Variants in ASXL1 observed in about 807,000 individuals in gnomAD.
The protein encoded by ASXL1 is ASXL transcriptional regulator 1.
Under a neutral mutation model 89.1 loss-of-function variants are expected in ASXL1, and 65 were observed. That is an observed-to-expected ratio of 0.73 (90% confidence interval 0.60 to 0.90). The LOEUF is 0.90. Among genes scored for constraint, ASXL1 ranks in the 40% least tolerant of loss-of-function variants. ASXL1 has a pLI of 0.00. For missense variants in ASXL1, 1,786 were observed against 1,942.9 expected, an observed-to-expected ratio of 0.92 and a Z score of 1.52; for synonymous variants, 739 against 746.9, an observed-to-expected ratio of 0.99 and a Z score of 0.17.
intron 8 of ASXL1, 120 bp downstream of exon 8, chr20:32,430,173 C>T: frequency 3.8e-6 from 5 of 1,316,118 alleles, no homozygotes; most frequent in Non-Finnish European, 3.0e-6. Flanking sequence ...GGGTGGCCCT[C>T]TATTTTTTGT....
In ASXL1 at chr20:32,436,128, C is replaced by A. The variant is rs371545683; in HGVS notation, c.3416C>A (p.Thr1139Lys). The change falls in exon 13 of 13, where the codon ACA becomes AAA. Residue 1139 changes from threonine (T) to lysine (K), a missense_variant. Around this residue, in one of 3 missense-constraint regions of ASXL1, gnomAD observed 1,418 missense variants for 1,427.8 expected, o/e 0.99. Coordinates refer to ENST00000375687, the MANE Select transcript of ASXL1 (RefSeq NM_015338.6). ...SMSESPQVPL[T>K]KDQSHGSLRM... Reference sequence around the variant, plus strand: ...TCAGAATCCCCACAAGTACCACTTACAAAAGACCAGAGCCATGGCTCGCTA... The same window carrying A: ...TCAGAATCCCCACAAGTACCACTTAAAAAAGACCAGAGCCATGGCTCGCTA... 27 of 1,614,082 alleles carry A rather than the reference C, an allele frequency of 1.7e-5. No individual in the cohort carries two copies. In the East Asian group the frequency reaches 2.9e-4, roughly 17 times the overall value.
rs755243804 is a variant in ASXL1 at position 32,435,071 on chromosome 20, A to G, written c.2359A>G (p.Thr787Ala). ...EQPQLHPDVRTECESGTTSWE... is the reference protein window; with the variant it reads ...EQPQLHPDVRAECESGTTSWE... ...GCCTCAGTTGCATCCGGATGTTAGA[A>G]CTGAATGTGAGTCTGGCACCACTTC... Residue 787 changes from threonine (T) to alanine (A), a missense_variant, in exon 13 of 13, where the codon ACT (threonine) becomes GCT (alanine). Coordinates refer to ENST00000375687, the MANE Select transcript of ASXL1 (RefSeq NM_015338.6). 6.2e-7 allele frequency: 1 copy of G among 1,614,054 alleles called. No individual in the cohort carries two copies. The highest frequency in any genetic ancestry group is 1.1e-5 in the South Asian group (1 of 91,070).
chr20:32,362,541 C>T (rs1167026410), intron 1 of ASXL1, among the ~76,000 whole-genome samples: 1 of 152,148 alleles, frequency 6.6e-6, no homozygotes, highest in Non-Finnish European at 1.5e-5. Flanking sequence ...GAGGCTGAGG[C>T]CGGAGAATGG....
chr20:32,368,055 C>T (rs2048235922), intron 3 of ASXL1, among the ~76,000 whole-genome samples: 1 of 152,052 alleles, frequency 6.6e-6, no homozygotes, highest in Non-Finnish European at 1.5e-5. Flanking sequence ...TTTTTTTAGA[C>T]TCAGAATTTA....
In ASXL1 at chr20:32,418,809, C is replaced by CTTTTTTTTT. The variant is rs71338437; in HGVS notation, c.253-9286_253-9278dup. Among the ~76,000 whole-genome samples, 39 of 55,748 alleles carry CTTTTTTTTT rather than the reference C, an allele frequency of 7.0e-4. 2 individuals carry two copies. The highest frequency in any genetic ancestry group is 1.6e-3 in the Admixed American group (5 of 3,176). 36.6% of individuals were successfully genotyped at this position (55,748 alleles called of 152,430 possible). A position where few individuals can be genotyped will look rare whatever the true frequency, so the allele number is the denominator to read the frequency against. ...AAATCAAAATGGGAAGAATTGACAT[C>CTTTTTTTTT]TTTTTTTTTTTTTTTTTTTTTTTTT... On this transcript the variant is annotated intron_variant, in intron 4 of 12. Coordinates refer to ENST00000375687, the MANE Select transcript of ASXL1 (RefSeq NM_015338.6).
At chr20:32,380,068 G>A (rs1433731367) in intron 4 of ASXL1, among the ~76,000 whole-genome samples, 1 of 152,066 alleles carries the variant, frequency 6.6e-6, no homozygotes, top group Non-Finnish European at 1.5e-5. Flanking sequence ...GATCACCTGA[G>A]GTCAGGAGTT....
At chr20:32,376,333 G>T (rs189894846) in intron 4 of ASXL1, among the ~76,000 whole-genome samples, 3 of 151,940 alleles carry the variant, frequency 2.0e-5, no homozygotes, top group Non-Finnish European at 2.9e-5. Context: ...GGAGTGCAGT[G>T]GCGCAATCTC....
intron 5 of ASXL1, 23 bp downstream of exon 5, chr20:32,428,271 GT>G: frequency 6.2e-7 from 1 of 1,614,188 alleles, no homozygotes; most frequent in Non-Finnish European, 8.5e-7. Context: ...TAATGGATGG[GT>G]GAGGGAGCCA....
chr20:32,377,791 TAC>T (rs2048411241), intron 4 of ASXL1, among the ~76,000 whole-genome samples: 3 of 151,796 alleles, frequency 2.0e-5, no homozygotes, highest in South Asian at 4.3e-4. Flanking sequence ...TAGCTGGGAT[TAC>T]AGACATGAGG....
chr20:32,417,326 C>T (rs1253262069), intron 4 of ASXL1, among the ~76,000 whole-genome samples: 2 of 152,162 alleles, frequency 1.3e-5, no homozygotes. Context: ...TGAGTGGCAA[C>T]TTACAAGAAT....
At chr20:32,377,047 A>G (rs976466111) in intron 4 of ASXL1, among the ~76,000 whole-genome samples, 1 of 140,292 alleles carries the variant, frequency 7.1e-6, no homozygotes, top group Non-Finnish European at 1.5e-5. Context: ...TATACAACAG[A>G]TATAATATGT....
chr20:32,373,901 A>G (rs1375210487), intron 4 of ASXL1, among the ~76,000 whole-genome samples: 1 of 152,146 alleles, frequency 6.6e-6, no homozygotes, highest in East Asian at 1.9e-4. Context: ...AACCTAAATA[A>G]TTAATATTTG....
intron 4 of ASXL1, among the ~76,000 whole-genome samples, chr20:32,415,453 TG>T (rs2049122213): frequency 6.6e-6 from 1 of 152,094 alleles, no homozygotes; most frequent in Admixed American, 6.5e-5. Context: ...TCCTCTGGAG[TG>T]GGAGAAGGGT....
At chr20:32,396,830 T>C (rs1218106005) in intron 4 of ASXL1, among the ~76,000 whole-genome samples, 3 of 152,186 alleles carry the variant, frequency 2.0e-5, no homozygotes, top group African/African-American at 7.2e-5. Context: ...TGAGGTCACA[T>C]ACTGCTTACT....
intron 4 of ASXL1, among the ~76,000 whole-genome samples, chr20:32,421,190 C>T (rs1355939487): frequency 6.9e-6 from 1 of 145,948 alleles, no homozygotes; most frequent in East Asian, 2.0e-4. Context: ...GCTTATGTAA[C>T]AAACCTGCAC....
chr20:32,418,747 C>T (rs968549117), intron 4 of ASXL1, among the ~76,000 whole-genome samples: 1 of 140,646 alleles, frequency 7.1e-6, no homozygotes, highest in African/African-American at 2.6e-5. Flanking sequence ...TGTAAAAGAT[C>T]GTGTTGAGAG....
intron 8 of ASXL1, 168 bp from the exon 9 acceptor site, chr20:32,431,153 C>T (rs1297555298): frequency 1.2e-6 from 1 of 846,870 alleles, no homozygotes; most frequent in Non-Finnish European, 1.9e-6. Flanking sequence ...ATGGCAATGA[C>T]AGTAACCTGG....
chr20:32,428,351 G>A lies in ASXL1; in HGVS notation c.400G>A (p.Ala134Thr), dbSNP rs777619874. The A allele has an allele frequency of 1.3e-5, 21 of 1,613,940 alleles. No homozygotes were observed. Among genetic ancestry groups the A allele is most frequent in the Non-Finnish European group, 1.7e-5 (20 of 1,180,002 alleles). The change falls in exon 6 of 13, where the codon GCA becomes ACA. Residue 134 changes from alanine to threonine, a missense_variant. Ala to Thr is a moderately conservative substitution (Grantham distance 58). Transcript: ENST00000375687. ...ATCTCTTGATGAAACATCTTCGAAC[G>A]CATCCTGTTCTACAGAATCTCAGAG... ...DVSLDETSSN[A>T]SCSTESQSRP...
intron 4 of ASXL1, among the ~76,000 whole-genome samples, chr20:32,386,886 C>CT (rs1329307055): frequency 6.8e-6 from 1 of 147,726 alleles, no homozygotes; most frequent in Non-Finnish European, 1.5e-5. Flanking sequence ...GCCCTTTGTG[C>CT]TATTAGGTCT....
Sources: allele counts gnomAD v4.1 joint callset (sites outside exome capture counted in the v4.1 genomes callset), GRCh38; gene constraint gnomAD v4.1.1; regional missense constraint gnomAD v4.1.1; transcripts MANE v1.5; gene names NCBI Gene and HGNC (gene_info 2026-07-23, HGNC 2026-07-21).